NLGN4X: variants seen among roughly 807,000 people sequenced by gnomAD.
NLGN4X encodes the protein neuroligin-4, X-linked.
A neutral mutation model predicts 40.3 loss-of-function variants in NLGN4X; 3 were observed. That is an observed-to-expected ratio of 0.07 (90% CI 0.03 to 0.19). The LOEUF is 0.19. Among genes scored for constraint, NLGN4X ranks in the 10% least tolerant of loss-of-function variants. The pLI, the probability that NLGN4X is intolerant of heterozygous loss-of-function variation, is 1.00. For missense variants in NLGN4X, 382 were observed against 708.3 expected (o/e 0.54, Z 5.23); for synonymous variants, 270 against 306.8 (o/e 0.88, Z 1.25).
chrX:6,114,521 AACACACACACACAC>A (rs529608747), intron 2 of NLGN4X, among the ~76,000 whole-genome samples: 3 of 95,663 alleles, frequency 3.1e-5, no homozygotes, highest in Admixed American at 1.2e-4. Context: ...CAAAGTGGCA[AACACACACACACAC>A]ACACACACAC....
intron 2 of NLGN4X, among the ~76,000 whole-genome samples, chrX:6,144,884 T>C (rs1387860119): frequency 1.8e-5 from 2 of 110,907 alleles, no homozygotes; most frequent in Non-Finnish European, 3.8e-5. Context: ...CTCCAACCTA[T>C]TCCCAGGTTC....
chrX:6,028,663 A>G (rs1025834410), intron 3 of NLGN4X, among the ~76,000 whole-genome samples: 4 of 63,023 alleles, frequency 6.3e-5, no homozygotes, highest in Admixed American at 4.8e-4. Flanking sequence ...CATCTCAAAG[A>G]AAAAAAAAAA....
intron 2 of NLGN4X, among the ~76,000 whole-genome samples, chrX:6,058,413 T>A (rs2037688312): frequency 8.9e-6 from 1 of 112,090 alleles, no homozygotes; most frequent in Non-Finnish European, 1.9e-5. Flanking sequence ...AAATTAATTA[T>A]CTCATCAAAA....
chrX:6,071,353 G>C (rs1266536599), intron 2 of NLGN4X, among the ~76,000 whole-genome samples: 1 of 111,435 alleles, frequency 9.0e-6, no homozygotes, highest in Non-Finnish European at 1.9e-5. Context: ...TAAATCATTA[G>C]CGGTGGGGCG....
chrX:6,035,425 A>C (rs749314040), intron 2 of NLGN4X, among the ~76,000 whole-genome samples: 19 of 111,864 alleles, frequency 1.7e-4, no homozygotes, highest in Non-Finnish European at 3.4e-4. Flanking sequence ...GAAGTTTCCT[A>C]AAAGTTTAAG....
chrX:6,111,650 G>A (rs867582366), intron 2 of NLGN4X, among the ~76,000 whole-genome samples: 6 of 111,378 alleles, frequency 5.4e-5, no homozygotes, highest in Non-Finnish European at 9.4e-5. Flanking sequence ...GGAGGCTGAG[G>A]TGGGAGGATC....
At chrX:6,161,009 CTATATATAATAT>C (rs1401640695) in intron 1 of NLGN4X, among the ~76,000 whole-genome samples, 13 of 94,081 alleles carry the variant, frequency 1.4e-4, no homozygotes, top group African/African-American at 3.6e-4. Flanking sequence ...ATATATTATT[CTATATATAATAT>C]AGGATATAAA....
At chrX:5,913,508 C>CT (rs1366003656) in intron 3 of NLGN4X, among the ~76,000 whole-genome samples, 2 of 112,059 alleles carry the variant, frequency 1.8e-5, no homozygotes, top group African/African-American at 6.5e-5. Flanking sequence ...TACAAACTCT[C>CT]TAAGCATTTT....
At chrX:5,906,100 T>G (rs1488609699) in intron 4 of NLGN4X, among the ~76,000 whole-genome samples, 2 of 112,284 alleles carry the variant, frequency 1.8e-5, no homozygotes, top group African/African-American at 6.5e-5. Flanking sequence ...GTGGCTTACA[T>G]GTGTTTGATT....
chrX:5,998,801 A>G (rs2035899886), intron 3 of NLGN4X, among the ~76,000 whole-genome samples: 1 of 112,921 alleles, frequency 8.9e-6, no homozygotes, highest in Admixed American at 9.3e-5. Flanking sequence ...AATACAAAAT[A>G]TAAGTAGAGA....
In NLGN4X at chrX:6,084,771, C is replaced by T. The variant is rs150111778; in HGVS notation, c.473-55339G>A. Reference sequence around the variant, plus strand: ...AAAAGGGCTTGCAGGAGTGGGTTCACTCTCTTAAGCTCTTTGCCCTTCTGC... The same window carrying T: ...AAAAGGGCTTGCAGGAGTGGGTTCATTCTCTTAAGCTCTTTGCCCTTCTGC... On this transcript the variant is annotated intron_variant, in intron 2 of 5. Transcript: ENST00000381095. 4.1e-3 allele frequency among the ~76,000 whole-genome samples: 452 copies of T among 110,781 alleles called. 1 individual carries two copies. The highest frequency in any genetic ancestry group is 0.014 in the African/African-American group (425 of 30,455).
chrX:6,167,634 G>A (rs2147764099), intron 1 of NLGN4X, among the ~76,000 whole-genome samples: 1 of 111,806 alleles, frequency 8.9e-6, no homozygotes, highest in African/African-American at 3.2e-5. Context: ...TACTCTTTAA[G>A]GCCCATGGAG....
At chrX:5,896,967 C>G (rs1006589279) in intron 5 of NLGN4X, among the ~76,000 whole-genome samples, 2 of 111,275 alleles carry the variant, frequency 1.8e-5, no homozygotes, top group Admixed American at 9.6e-5. Context: ...TTTTTTTTCC[C>G]AAAGATTTAA....
At position 5,890,831 on chromosome X, in the gene NLGN4X, A is replaced by G. The variant is rs2031121753; in HGVS notation, c.*1986T>C. 2 of 309,599 alleles carry G rather than the reference A, an allele frequency of 6.5e-6. No homozygotes were observed. The highest frequency in any genetic ancestry group is 5.5e-5 in the African/African-American group (2 of 36,672). 25.5% of individuals were successfully genotyped at this position (309,599 alleles called of 1,213,427 possible). A position where few individuals can be genotyped will look rare whatever the true frequency, so the allele number is the denominator to read the frequency against. On this transcript the variant is annotated 3_prime_UTR_variant, in exon 6 of 6. Transcript: ENST00000381095. ...GGGGTGACTTGTACGCATTTCTAAA[A>G]ACACTTTTCTTTTTTCTAGAGGTCA...
At chrX:5,972,149 GTA>G (rs1182447691) in intron 3 of NLGN4X, among the ~76,000 whole-genome samples, 2 of 103,391 alleles carry the variant, frequency 1.9e-5, no homozygotes, top group Admixed American at 9.9e-5. Context: ...ACACACATAT[GTA>G]TATGTGTGTG....
chrX:5,964,717 C>G (rs1290858624), intron 3 of NLGN4X, among the ~76,000 whole-genome samples: 1 of 111,298 alleles, frequency 9.0e-6, no homozygotes, highest in South Asian at 3.8e-4. Flanking sequence ...GGAGGGCTTG[C>G]TATGTGGTCC....
At chrX:6,200,696 T>TTTC (rs1335418319) in intron 1 of NLGN4X, among the ~76,000 whole-genome samples, 1 of 90,774 alleles carries the variant, frequency 1.1e-5, no homozygotes, top group Non-Finnish European at 2.2e-5. Context: ...TCTTTTTTTT[T>TTTC]TTTTTTTTTT....
chrX:6,059,333 G>C (rs1436860802), intron 2 of NLGN4X, among the ~76,000 whole-genome samples: 1 of 111,810 alleles, frequency 8.9e-6, no homozygotes, highest in Non-Finnish European at 1.9e-5. Flanking sequence ...TGATTAGAGG[G>C]TAACAGCACA....
At chrX:6,193,897 G>C (rs939475319) in intron 1 of NLGN4X, among the ~76,000 whole-genome samples, 25 of 112,412 alleles carry the variant, frequency 2.2e-4, no homozygotes, top group African/African-American at 7.8e-4. Flanking sequence ...TGCAAAATGT[G>C]TGAAAAGAAC....
Sources: gnomAD v4.1 joint callset for allele counts (sites outside exome capture counted in the v4.1 genomes callset) on GRCh38, gnomAD v4.1.1 for gene constraint, MANE v1.5 for transcripts, NCBI Gene and HGNC (gene_info 2026-07-23, HGNC 2026-07-21) for gene names.